The following TMEM132D variants were observed in gnomAD, a reference collection of about 807,000 sequenced individuals.
The protein encoded by TMEM132D is mature OL transmembrane protein.
TMEM132D carries 21 observed loss-of-function variants against 62.3 expected under a neutral mutation model. The observed-to-expected ratio is 0.34, with a 90% confidence interval of 0.24 to 0.49. TMEM132D has a LOEUF of 0.49. Among genes scored for constraint, TMEM132D ranks in the 20% least tolerant of loss-of-function variants. The pLI, the probability that TMEM132D is intolerant of heterozygous loss-of-function variation, is 0.99. For missense variants in TMEM132D, 1,346 were observed against 1,402.8 expected (o/e 0.96, Z 0.65); for synonymous variants, 621 against 575.6 (o/e 1.08, Z -1.13).
chr12:129,603,561 T>C (rs1878537490), intron 2 of TMEM132D, among the ~76,000 whole-genome samples: 1 of 152,042 alleles, frequency 6.6e-6, no homozygotes, highest in Non-Finnish European at 1.5e-5. Flanking sequence ...AAGAAACATA[T>C]GAAAAAAAGT....
intron 2 of TMEM132D, among the ~76,000 whole-genome samples, chr12:129,542,751 A>G (rs1232435605): frequency 6.6e-6 from 1 of 152,202 alleles, no homozygotes; most frequent in Non-Finnish European, 1.5e-5. Context: ...ACAGTCATGC[A>G]CTGCACGACA....
chr12:129,791,872 A>G lies in TMEM132D; in HGVS notation c.80-91174T>C, dbSNP rs376095320. Among the ~76,000 whole-genome samples the G allele has an allele frequency of 5.3e-5, 8 of 152,208 alleles. No homozygotes were observed. In the East Asian group the frequency reaches 9.6e-4, roughly 18 times the overall value. On this transcript the variant is annotated intron_variant, in intron 1 of 8. Coordinates refer to ENST00000422113, the MANE Select transcript of TMEM132D (RefSeq NM_133448.3). ...TAGACAATCCACAGACCTATTTTCCAGGAGGCTGTTTAACACACACACACT... is the reference window on the plus strand; with the variant it reads ...TAGACAATCCACAGACCTATTTTCCGGGAGGCTGTTTAACACACACACACT...
Position 129,073,563 on chromosome 12 carries a change from C to T in TMEM132D, c.*312G>A, listed in dbSNP as rs1177381930. 1.8e-5 allele frequency: 5 copies of T among 275,364 alleles called. No homozygotes were observed. The highest frequency in any genetic ancestry group is 6.6e-5 in the East Asian group (1 of 15,206). 17.1% of individuals were successfully genotyped at this position (275,364 alleles called of 1,614,324 possible). A position where few individuals can be genotyped will look rare whatever the true frequency, so the allele number is the denominator to read the frequency against. Reference sequence around the variant, plus strand: ...TTACAATATCCAAATTGCTTTGATTCGAGAGAGAGAGGCTGTTCTTTCCTG... The same window carrying T: ...TTACAATATCCAAATTGCTTTGATTTGAGAGAGAGAGGCTGTTCTTTCCTG... On this transcript the variant is annotated 3_prime_UTR_variant, in exon 9 of 9. Coordinates refer to ENST00000422113, the MANE Select transcript of TMEM132D (RefSeq NM_133448.3).
chr12:129,171,119 T>G (rs1460535549), intron 5 of TMEM132D, among the ~76,000 whole-genome samples: 1 of 152,248 alleles, frequency 6.6e-6, no homozygotes, highest in Non-Finnish European at 1.5e-5. Flanking sequence ...TGCTACTTAA[T>G]GAACTAAACT....
chr12:129,586,101 C>A (rs1027915500), intron 2 of TMEM132D, among the ~76,000 whole-genome samples: 2 of 152,122 alleles, frequency 1.3e-5, no homozygotes, highest in African/African-American at 4.8e-5. Flanking sequence ...GGCAGAGACA[C>A]GGCTATGTGT....
At chr12:129,819,626 A>G (rs1872487923) in intron 1 of TMEM132D, among the ~76,000 whole-genome samples, 1 of 151,888 alleles carries the variant, frequency 6.6e-6, no homozygotes, top group Non-Finnish European at 1.5e-5. Flanking sequence ...TCCTCCTCTT[A>G]TGAAACGGGG....
chr12:129,818,102 C>T (rs1872417645), intron 1 of TMEM132D, among the ~76,000 whole-genome samples: 1 of 121,508 alleles, frequency 8.2e-6, no homozygotes, highest in African/African-American at 3.2e-5. Flanking sequence ...GTGTGCGTTT[C>T]TATGTATGTG....
chr12:129,368,460 T>C (rs962849928), intron 3 of TMEM132D, among the ~76,000 whole-genome samples: 1 of 152,238 alleles, frequency 6.6e-6, no homozygotes, highest in Admixed American at 6.5e-5. Flanking sequence ...AATACCTATT[T>C]GCATATTGGC....
chr12:129,715,328 G>A (rs1314762921), intron 1 of TMEM132D, among the ~76,000 whole-genome samples: 1 of 152,170 alleles, frequency 6.6e-6, no homozygotes, highest in Non-Finnish European at 1.5e-5. Flanking sequence ...AGTTCATGCT[G>A]AGGTCCAAGG....
intron 5 of TMEM132D, among the ~76,000 whole-genome samples, chr12:129,188,487 A>G (rs1229175688): frequency 6.6e-6 from 1 of 152,132 alleles, no homozygotes; most frequent in African/African-American, 2.4e-5. Flanking sequence ...CATTATTGTG[A>G]CAGATACCAG....
intron 1 of TMEM132D, among the ~76,000 whole-genome samples, chr12:129,807,582 C>A (rs1872034218): frequency 6.6e-6 from 1 of 152,184 alleles, no homozygotes; most frequent in Non-Finnish European, 1.5e-5. Context: ...TTGGCACTTG[C>A]TGATGCTTGA....
intron 1 of TMEM132D, among the ~76,000 whole-genome samples, chr12:129,777,792 T>A (rs1360930548): frequency 1.3e-5 from 2 of 151,878 alleles, no homozygotes; most frequent in African/African-American, 2.4e-5. Context: ...ACAAAAAAAA[T>A]CAAACACAAA....
intron 1 of TMEM132D, among the ~76,000 whole-genome samples, chr12:129,766,686 T>C (rs138595791): frequency 3.3e-5 from 5 of 152,264 alleles, no homozygotes; most frequent in Non-Finnish European, 7.4e-5. Flanking sequence ...ATAAATATAC[T>C]GAGTAACCCT....
intron 4 of TMEM132D, among the ~76,000 whole-genome samples, chr12:129,243,402 G>A (rs1360677081): frequency 6.6e-6 from 1 of 152,124 alleles, no homozygotes; most frequent in Non-Finnish European, 1.5e-5. Flanking sequence ...TGCAGGGTAA[G>A]CATACTTTGC....
chr12:129,435,049 G>C (rs563899367), intron 3 of TMEM132D, among the ~76,000 whole-genome samples: 1 of 152,244 alleles, frequency 6.6e-6, no homozygotes, highest in East Asian at 1.9e-4. Context: ...TTCCACACAG[G>C]CGTGCGAATG....
chr12:129,635,796 C>T (rs979292076), intron 2 of TMEM132D, among the ~76,000 whole-genome samples: 2 of 152,162 alleles, frequency 1.3e-5, no homozygotes, highest in Admixed American at 1.3e-4. Flanking sequence ...AAGACGCAGC[C>T]TCAGGAGGTC....
At chr12:129,174,833 G>A (rs1593285648) in intron 5 of TMEM132D, among the ~76,000 whole-genome samples, 1 of 152,222 alleles carries the variant, frequency 6.6e-6, no homozygotes, top group African/African-American at 2.4e-5. Context: ...GATCAGTGAT[G>A]TTGAGCCTTT....
At chr12:129,765,890 G>A (rs1424028593) in intron 1 of TMEM132D, among the ~76,000 whole-genome samples, 6 of 152,156 alleles carry the variant, frequency 3.9e-5, no homozygotes, top group African/African-American at 4.8e-5. Flanking sequence ...GAAGCGGCAC[G>A]TGCTAGGAAG....
intron 2 of TMEM132D, among the ~76,000 whole-genome samples, chr12:129,626,231 A>G (rs1879209813): frequency 6.6e-6 from 1 of 152,186 alleles, no homozygotes; most frequent in African/African-American, 2.4e-5. Flanking sequence ...TAAGGAATGC[A>G]CTATTCTCCA....
Sources: allele counts gnomAD v4.1 joint callset (sites outside exome capture counted in the v4.1 genomes callset), GRCh38; gene constraint gnomAD v4.1.1; transcripts MANE v1.5; gene names NCBI Gene and HGNC (gene_info 2026-07-23, HGNC 2026-07-21).